The following PTPRD variants were observed in gnomAD, a reference collection of about 807,000 sequenced individuals.
PTPRD encodes protein tyrosine phosphatase receptor type D.
In PTPRD, 34 loss-of-function variants were observed where a neutral mutation model predicts 214.5. The ratio of observed to expected loss-of-function variants is 0.16; its 90% CI spans 0.12 to 0.21. PTPRD has a LOEUF of 0.21. PTPRD is among the 10% of genes least tolerant of loss of function. The probability of loss-of-function intolerance (pLI) is 1.00; values close to 1 mark genes in which losing one functional copy is unlikely to be tolerated. For synonymous variants in PTPRD, 1,128 were observed against 845.7 expected, an observed-to-expected ratio of 1.33 and a Z score of -5.79; for missense variants, 2,545 against 2,398.7, an observed-to-expected ratio of 1.06 and a Z score of -1.27.
intron 14 of PTPRD, among the ~76,000 whole-genome samples, chr9:8,583,217 C>T (rs995479965): frequency 6.6e-6 from 1 of 152,240 alleles, no homozygotes; most frequent in African/African-American, 2.4e-5. Flanking sequence ...AGGCAGAGCT[C>T]AGGCCATAAT....
At chr9:8,639,136 C>T (rs969836574) in intron 12 of PTPRD, among the ~76,000 whole-genome samples, 15 of 152,218 alleles carry the variant, frequency 9.9e-5, no homozygotes, top group Admixed American at 2.0e-4. Context: ...CCACCACGCC[C>T]GGCCTCAAAA....
chr9:8,663,243 T>C (rs2097099944), intron 12 of PTPRD, among the ~76,000 whole-genome samples: 1 of 151,834 alleles, frequency 6.6e-6, no homozygotes, highest in Non-Finnish European at 1.5e-5. Context: ...GAATCTTGTT[T>C]TTTTTCTTTC....
chr9:10,249,509 T>C (rs1182707482), intron 3 of PTPRD, among the ~76,000 whole-genome samples: 1 of 152,140 alleles, frequency 6.6e-6, no homozygotes, highest in Non-Finnish European at 1.5e-5. Context: ...ACTGCCTGAG[T>C]AATTACTCTG....
At chr9:9,275,128 T>TTATATATAATA (rs1195375241) in intron 9 of PTPRD, among the ~76,000 whole-genome samples, 1 of 49,784 alleles carries the variant, frequency 2.0e-5, no homozygotes, top group Non-Finnish European at 3.8e-5. Flanking sequence ...ATTATATATA[T>TTATATATAATA]TATATATAAT....
At chr9:10,248,246 T>G (rs866356860) in intron 3 of PTPRD, among the ~76,000 whole-genome samples, 9 of 151,946 alleles carry the variant, frequency 5.9e-5, no homozygotes, top group Admixed American at 2.0e-4. Context: ...AAGAGGAGGC[T>G]CTCAGTCAAC....
intron 2 of PTPRD, among the ~76,000 whole-genome samples, chr9:10,592,997 T>C (rs2075844252): frequency 1.3e-5 from 2 of 151,970 alleles, no homozygotes; most frequent in Non-Finnish European, 2.9e-5. Flanking sequence ...GCTCACTCTT[T>C]GGGTCTGTGC....
At chr9:9,524,775 T>G (rs2073634642) in intron 8 of PTPRD, among the ~76,000 whole-genome samples, 1 of 152,220 alleles carries the variant, frequency 6.6e-6, no homozygotes, top group Non-Finnish European at 1.5e-5. Flanking sequence ...ATGCAGGCTG[T>G]GCATAGAACT....
intron 12 of PTPRD, among the ~76,000 whole-genome samples, chr9:8,650,502 G>A (rs575190601): frequency 1.4e-5 from 2 of 138,238 alleles, no homozygotes; most frequent in Admixed American, 1.5e-4. Context: ...TCCAGCCTGG[G>A]CAAAAAGAGC....
At chr9:9,989,405 AAGAAG>A (rs775227785) in intron 4 of PTPRD, among the ~76,000 whole-genome samples, 1 of 152,184 alleles carries the variant, frequency 6.6e-6, no homozygotes, top group Non-Finnish European at 1.5e-5. Context: ...CAGAGAAGAA[AAGAAG>A]AGAAGAGAAG....
intron 6 of PTPRD, among the ~76,000 whole-genome samples, chr9:9,755,656 T>A (rs909547131): frequency 4.6e-5 from 7 of 152,220 alleles, no homozygotes; most frequent in Middle Eastern, 3.4e-3. Flanking sequence ...TTGTTTCTAT[T>A]AGTAAGGTAG....
At chr9:8,517,759 C>G (rs766310733) in intron 21 of PTPRD, 89 bp downstream of exon 21, 130 of 1,123,582 alleles carry the variant, frequency 1.2e-4, no homozygotes, top group Non-Finnish European at 1.6e-4. Context: ...AAATTCATAC[C>G]ATCTTTGTTC....
At chr9:9,196,020 T>C (rs1002793916) in intron 9 of PTPRD, among the ~76,000 whole-genome samples, 4 of 152,162 alleles carry the variant, frequency 2.6e-5, no homozygotes. Flanking sequence ...GTTTGGAGGA[T>C]AGTCCTCTGG....
At chr9:9,404,421 G>A (rs2072370541) in intron 8 of PTPRD, among the ~76,000 whole-genome samples, 2 of 151,986 alleles carry the variant, frequency 1.3e-5, no homozygotes, top group African/African-American at 2.4e-5. Flanking sequence ...TTTGAAGGTG[G>A]AACAAGACTT....
intron 3 of PTPRD, among the ~76,000 whole-genome samples, chr9:10,182,530 C>A (rs1389573685): frequency 6.6e-6 from 1 of 151,938 alleles, no homozygotes; most frequent in Non-Finnish European, 1.5e-5. Flanking sequence ...TCAGTAATAT[C>A]TCTAAGTGTT....
intron 2 of PTPRD, among the ~76,000 whole-genome samples, chr9:10,343,323 C>T (rs2096981766): frequency 6.6e-6 from 1 of 152,240 alleles, no homozygotes; most frequent in Admixed American, 6.5e-5. Context: ...TTTTTTATGG[C>T]TGCATTATAT....
At position 8,529,606 on chromosome 9, in the gene PTPRD, C is replaced by T. The variant is rs2075153375; in HGVS notation, c.353-827G>A. ...TTTTGCTACCCACATCGAAACTGTT[C>T]CAGATCCCAGCTCTTGAGAAATTAA... On this transcript the variant is annotated intron_variant, in intron 14 of 45. Coordinates refer to ENST00000381196, the MANE Select transcript of PTPRD (RefSeq NM_002839.4). Among the ~76,000 whole-genome samples, 3 of 152,114 alleles carry T rather than the reference C, an allele frequency of 2.0e-5. No individual in the cohort carries two copies. The South Asian group carries it at 6.2e-4, about 32-fold the overall frequency.
At position 10,344,593 on chromosome 9, in the gene PTPRD, T is replaced by C. The variant is rs151044673; in HGVS notation, c.-599-3576A>G. 1.8e-3 allele frequency among the ~76,000 whole-genome samples: 271 copies of C among 152,334 alleles called. 1 individual carries two copies. The highest frequency in any genetic ancestry group is 6.0e-3 in the African/African-American group (250 of 41,576). On this transcript the variant is annotated intron_variant, in intron 2 of 45. Coordinates refer to ENST00000381196, the MANE Select transcript of PTPRD (RefSeq NM_002839.4). ...AAAGTCTTTGGTAGCTTGATGAGGA[T>C]GGCATTGAATCTATAAATTACCTTG...
chr9:8,678,203 A>C (rs926179429), intron 12 of PTPRD, among the ~76,000 whole-genome samples: 1 of 152,168 alleles, frequency 6.6e-6, no homozygotes, highest in African/African-American at 2.4e-5. Flanking sequence ...AACAAGGTCA[A>C]ATCCAATTCA....
At chr9:10,247,581 G>C (rs1319402305) in intron 3 of PTPRD, among the ~76,000 whole-genome samples, 1 of 152,062 alleles carries the variant, frequency 6.6e-6, no homozygotes, top group Non-Finnish European at 1.5e-5. Flanking sequence ...TGTCACATTT[G>C]TGTCATTTCC....
Sources: allele counts gnomAD v4.1 joint callset (sites outside exome capture counted in the v4.1 genomes callset), GRCh38; gene constraint gnomAD v4.1.1; transcripts MANE v1.5; gene names NCBI Gene and HGNC (gene_info 2026-07-23, HGNC 2026-07-21).